The following OR2L13 variants were observed in gnomAD, a reference collection of about 807,000 sequenced individuals.
OR2L13 encodes olfactory receptor 2L13.
OR2L13 carries 14 observed loss-of-function variants against 15.3 expected under a neutral mutation model. The observed-to-expected ratio is 0.91, with a 90% CI of 0.60 to 1.43. The LOEUF is 1.43. Ranked by LOEUF, OR2L13 falls within the 40% of genes most tolerant of loss-of-function variation. The pLI, the probability that OR2L13 is intolerant of heterozygous loss-of-function variation, is 0.00. For synonymous variants in OR2L13, 152 were observed against 142.9 expected, an observed-to-expected ratio of 1.06 and a Z score of -0.45; for missense variants, 367 against 387.9, an observed-to-expected ratio of 0.95 and a Z score of 0.45.
the OR2L13 span, among the ~76,000 whole-genome samples, chr1:248,054,266 G>A: frequency 6.6e-6 from 1 of 152,132 alleles, no homozygotes; most frequent in African/African-American, 2.4e-5. Flanking sequence ...TCAGATGGTT[G>A]TAGATGTGCA....
chr1:248,001,262 A>G, the OR2L13 span, among the ~76,000 whole-genome samples: 2 of 152,078 alleles, frequency 1.3e-5, no homozygotes, highest in Non-Finnish European at 2.9e-5. Context: ...GAATGCTGTG[A>G]CGTTCCAGGT....
At chr1:248,010,763 GTT>G in the OR2L13 span, among the ~76,000 whole-genome samples, 349 of 44,450 alleles carry the variant, frequency 7.9e-3, no homozygotes, top group Middle Eastern at 0.038. Flanking sequence ...CTTTGTTGTT[GTT>G]TTTTTTTTTT....
chr1:247,970,237 T>G, the OR2L13 span, among the ~76,000 whole-genome samples: 1 of 152,196 alleles, frequency 6.6e-6, no homozygotes, highest in Non-Finnish European at 1.5e-5. Context: ...ATATACATTT[T>G]ATAAAATTTG....
chr1:248,071,305 T>C, the OR2L13 span, among the ~76,000 whole-genome samples: 1 of 152,126 alleles, frequency 6.6e-6, no homozygotes, highest in Non-Finnish European at 1.5e-5. Context: ...ATCCCTGGGA[T>C]GCAAGGCTGC....
At chr1:247,979,694 C>A in the OR2L13 span, among the ~76,000 whole-genome samples, 1 of 152,064 alleles carries the variant, frequency 6.6e-6, no homozygotes, top group African/African-American at 2.4e-5. Flanking sequence ...TGAGATGAAC[C>A]AGGTACCTCA....
chr1:248,054,876 C>A, the OR2L13 span, among the ~76,000 whole-genome samples: 1 of 152,124 alleles, frequency 6.6e-6, no homozygotes, highest in African/African-American at 2.4e-5. Context: ...AGAATCATAT[C>A]ATCTGAAACA....
At chr1:247,999,023 T>C in the OR2L13 span, among the ~76,000 whole-genome samples, 1 of 152,072 alleles carries the variant, frequency 6.6e-6, no homozygotes, top group South Asian at 2.1e-4. Flanking sequence ...GCAAGGGTAA[T>C]GAGGAAAATG....
At chr1:248,008,569 C>T in the OR2L13 span, among the ~76,000 whole-genome samples, 1 of 152,156 alleles carries the variant, frequency 6.6e-6, no homozygotes, top group African/African-American at 2.4e-5. Flanking sequence ...GAGGCTTAGA[C>T]TCCCACACAA....
chr1:248,049,477 C>T, the OR2L13 span, among the ~76,000 whole-genome samples: 1 of 152,104 alleles, frequency 6.6e-6, no homozygotes, highest in Non-Finnish European at 1.5e-5. Context: ...TTTTTTATAA[C>T]TGAATTCTTC....
the OR2L13 span, chr1:247,939,297 C>T: frequency 1.8e-4 from 28 of 152,130 alleles, no homozygotes; most frequent in African/African-American, 6.8e-4. Flanking sequence ...TATTTTTGCT[C>T]ATTCCTTTCT....
At chr1:247,956,288 G>T in the OR2L13 span, among the ~76,000 whole-genome samples, 2 of 152,066 alleles carry the variant, frequency 1.3e-5, no homozygotes, top group Non-Finnish European at 2.9e-5. Context: ...GCTCTCTTCT[G>T]TTCCATTGGT....
the OR2L13 span, among the ~76,000 whole-genome samples, chr1:248,058,282 A>T: frequency 1.3e-5 from 2 of 152,122 alleles, no homozygotes; most frequent in African/African-American, 4.8e-5. Flanking sequence ...GTATTTTCAG[A>T]CAATACATTC....
chr1:247,955,939 T>G, the OR2L13 span, among the ~76,000 whole-genome samples: 1 of 150,386 alleles, frequency 6.6e-6, no homozygotes, highest in South Asian at 2.1e-4. Context: ...CAGAAGCTCT[T>G]TAGTTTAATT....
chr1:247,966,223 C>A, the OR2L13 span: 1 of 1,613,458 alleles, frequency 6.2e-7, no homozygotes. Context: ...CATTGTCACA[C>A]CTCTACTGAA....
At chr1:247,993,175 A>C in the OR2L13 span, among the ~76,000 whole-genome samples, 1 of 152,028 alleles carries the variant, frequency 6.6e-6, no homozygotes, top group African/African-American at 2.4e-5. Flanking sequence ...TGTCTTCTTC[A>C]CAGATGTGTC....
At chr1:248,096,678 G>C (rs1343697681), upstream of OR2L13, among the ~76,000 whole-genome samples, 2 of 152,146 alleles carry the variant, frequency 1.3e-5, no homozygotes, top group African/African-American at 4.8e-5. Context: ...GTCTCCTGCT[G>C]ATTGTTTAAA....
At chr1:248,015,653 C>A in the OR2L13 span, among the ~76,000 whole-genome samples, 2 of 152,078 alleles carry the variant, frequency 1.3e-5, no homozygotes, top group East Asian at 3.9e-4. Context: ...GAGGAAGCAA[C>A]CTAGATTTTT....
chr1:248,067,961 C>T, the OR2L13 span, among the ~76,000 whole-genome samples: 25 of 152,340 alleles, frequency 1.6e-4, no homozygotes, highest in African/African-American at 6.0e-4. Context: ...CCGCCATTGC[C>T]CAGGCTTGCT....
the OR2L13 span, chr1:247,939,031 A>C: frequency 6.6e-6 from 1 of 152,320 alleles, no homozygotes; most frequent in South Asian, 2.1e-4. Flanking sequence ...TTATGCTATA[A>C]GTAAAGGATG....
Sources: allele counts gnomAD v4.1 joint callset (sites outside exome capture counted in the v4.1 genomes callset), GRCh38; gene constraint gnomAD v4.1.1; transcripts MANE v1.5; gene names NCBI Gene and HGNC (gene_info 2026-07-23, HGNC 2026-07-21).